Variants in CDKL5 observed in about 807,000 individuals in gnomAD.
The protein encoded by CDKL5 is cyclin dependent kinase like 5, also known as cyclin-dependent kinase-like 5.
CDKL5 carries 8 observed loss-of-function variants against 61.7 expected under a neutral mutation model. The ratio of observed to expected loss-of-function variants is 0.13; its 90% confidence interval spans 0.08 to 0.23. The LOEUF (loss-of-function observed/expected upper bound fraction) is 0.23, where lower values mean the gene tolerates loss of function less well. Ranked by LOEUF, CDKL5 falls within the 10% of genes least tolerant of loss-of-function variation. The pLI is 1.00. For synonymous variants in CDKL5, 275 were observed against 272.3 expected, an observed-to-expected ratio of 1.01 and a Z score of -0.10; for missense variants, 440 against 734.5, an observed-to-expected ratio of 0.60 and a Z score of 4.63.
At chrX:18,503,277 G>A (rs768966432) in intron 1 of CDKL5, among the ~76,000 whole-genome samples, 23 of 112,062 alleles carry the variant, frequency 2.1e-4, no homozygotes, top group Non-Finnish European at 3.4e-4. Flanking sequence ...TCCGCTTCCC[G>A]GGCTCAAACC....
chrX:18,430,700 C>G (rs1931463641), intron 1 of CDKL5, among the ~76,000 whole-genome samples: 1 of 110,656 alleles, frequency 9.0e-6, no homozygotes, highest in Non-Finnish European at 1.9e-5. Context: ...CCGCTTCAGC[C>G]TCCCAAAGTG....
In CDKL5 at chrX:18,518,385, C is replaced by CTTTTTTTTTTTTTTTTTTT. The variant is rs1195931109; in HGVS notation, c.99+7533_99+7534insTTTTTTTTTTTTTTTTTTT. ...ATAAAGTCATGTTTTCTTTTCTTTTCTTATTTTTTTTTTTTTTTTTTTTTT... is the reference window on the plus strand; with the variant it reads ...ATAAAGTCATGTTTTCTTTTCTTTTCTTTTTTTTTTTTTTTTTTTTTATTTTTTTTTTTTTTTTTTTTTT... On this transcript the variant is annotated intron_variant, in intron 3 of 17. Transcript: ENST00000623535. Among the ~76,000 whole-genome samples, 27 of 22,791 alleles carry CTTTTTTTTTTTTTTTTTTT rather than the reference C, an allele frequency of 1.2e-3. 3 individuals are homozygous for CTTTTTTTTTTTTTTTTTTT. Among genetic ancestry groups the CTTTTTTTTTTTTTTTTTTT allele is most frequent in the African/African-American group, 3.7e-3 (24 of 6,574 alleles). 19.8% of individuals were successfully genotyped at this position (22,791 alleles called of 115,157 possible). A position where few individuals can be genotyped will look rare whatever the true frequency, so the allele number is the denominator to read the frequency against.
chrX:18,639,208 T>C lies in CDKL5; in HGVS notation c.*10451T>C, dbSNP rs1191406162. Among the ~76,000 whole-genome samples, 1 of 112,224 alleles carries C rather than the reference T, an allele frequency of 8.9e-6. No individual in the cohort carries two copies. Among genetic ancestry groups the C allele is most frequent in the Non-Finnish European group, 1.9e-5 (1 of 53,313 alleles). On this transcript the variant is annotated 3_prime_UTR_variant, in exon 18 of 18. Transcript: ENST00000623535. The stretch of plus-strand genomic sequence containing the variant: ...TGGACTTCATCAAATATTTAAAATT[T>C]TGTGCTTAAGAGGACTCTATCGAGA...
chrX:18,636,412 A>T lies in CDKL5; in HGVS notation c.*7655A>T, dbSNP rs1007193381. ...ACAACAACCCAGCGAAACAGGTACTATTATTATCCCCTTTTTGTAAATGAG... is the reference window on the plus strand; with the variant it reads ...ACAACAACCCAGCGAAACAGGTACTTTTATTATCCCCTTTTTGTAAATGAG... On this transcript the variant is annotated 3_prime_UTR_variant, in exon 18 of 18. Transcript: ENST00000623535. 3.7e-5 allele frequency: 4 copies of T among 108,236 alleles called. No homozygotes were observed. The highest frequency in any genetic ancestry group is 1.3e-4 in the African/African-American group (4 of 29,859). The allele number at this position is 108,236 out of a possible 1,213,427, so 8.9% of individuals were successfully genotyped here. A position where few individuals can be genotyped will look rare whatever the true frequency, so the allele number is the denominator to read the frequency against.
chrX:18,615,528 C>T (rs1028586911), intron 15 of CDKL5, among the ~76,000 whole-genome samples: 9 of 111,759 alleles, frequency 8.1e-5, no homozygotes, highest in African/African-American at 2.9e-4. Flanking sequence ...AGCTATCCTC[C>T]TACCTCAGCC....
chrX:18,462,163 T>C lies in CDKL5; in HGVS notation c.-163+36468T>C, dbSNP rs190233490. ...GTGTGGCCCAAGACAATTCTTCCAA[T>C]GTGGCCCAGGGAAGCCAAAAGATTC... On this transcript the variant is annotated intron_variant, in intron 1 of 17. Coordinates refer to ENST00000623535, the MANE Select transcript of CDKL5 (RefSeq NM_001323289.2). Among the ~76,000 whole-genome samples the C allele has an allele frequency of 2.0e-3, 217 of 108,996 alleles. 1 individual carries two copies. The highest frequency in any genetic ancestry group is 7.0e-3 in the African/African-American group (210 of 29,927). The allele number at this position is 108,996 out of a possible 115,157, so 94.6% of individuals were successfully genotyped here.
intron 1 of CDKL5, among the ~76,000 whole-genome samples, chrX:18,433,909 C>T (rs895296377): frequency 8.9e-6 from 1 of 112,331 alleles, no homozygotes; most frequent in African/African-American, 3.2e-5. Context: ...CTCTAATCCC[C>T]CTTGACAGAT....
chrX:18,565,811 T>A (rs1033222917), intron 4 of CDKL5, among the ~76,000 whole-genome samples: 13 of 111,819 alleles, frequency 1.2e-4, no homozygotes, highest in Admixed American at 1.0e-3. Context: ...AAGTGGAAGG[T>A]AAAAAAGAAC....
At chrX:18,595,064 C>A (rs2147153278) in intron 9 of CDKL5, among the ~76,000 whole-genome samples, 1 of 111,708 alleles carries the variant, frequency 9.0e-6, no homozygotes, top group African/African-American at 3.3e-5. Context: ...TGCCTGTAAT[C>A]CCAGCTACTC....
intron 1 of CDKL5, among the ~76,000 whole-genome samples, chrX:18,506,415 A>G (rs1602230211): frequency 9.0e-6 from 1 of 111,437 alleles, no homozygotes; most frequent in African/African-American, 3.3e-5. Flanking sequence ...CTATACTCCT[A>G]TATATTAAAA....
At position 18,604,257 on chromosome X, in the gene CDKL5, C is replaced by T; in HGVS notation, c.1333C>T (p.His445Tyr). ...AAACAGCAGATCTCAGCAGAACCGCCACTCATTCATGGAAAGCTCTCAAAG... is the reference window on the plus strand; with the variant it reads ...AAACAGCAGATCTCAGCAGAACCGCTACTCATTCATGGAAAGCTCTCAAAG... The part of the protein sequence containing the change: ...KSNSRSQQNR[H>Y]SFMESSQSKA... Residue 445 changes from histidine to tyrosine, a missense_variant, in exon 12 of 18, where the codon CAC becomes TAC. Around this residue, in one of 2 missense-constraint regions of CDKL5, gnomAD observed 363 missense variants for 516.3 expected, o/e 0.70. Coordinates refer to ENST00000623535, the MANE Select transcript of CDKL5 (RefSeq NM_001323289.2). 1 of 1,212,056 alleles carries T rather than the reference C, an allele frequency of 8.3e-7. No individual in the cohort carries two copies. The highest frequency in any genetic ancestry group is 1.1e-6 in the Non-Finnish European group (1 of 895,576).
intron 9 of CDKL5, among the ~76,000 whole-genome samples, chrX:18,592,012 A>C (rs1213968802): frequency 8.9e-6 from 1 of 112,229 alleles, no homozygotes; most frequent in African/African-American, 3.2e-5. Context: ...TGCTAGGCTG[A>C]ATAGTGTTGA....
intron 20 of CDKL5, among the ~76,000 whole-genome samples, chrX:18,647,892 T>TG (rs760592635): frequency 3.1e-5 from 3 of 96,080 alleles, no homozygotes; most frequent in Admixed American, 2.1e-4. Context: ...ACCAGTCTAA[T>TG]GAAAAAAAAA....
intron 9 of CDKL5, chrX:18,589,756 G>T (rs1925767526): frequency 8.9e-6 from 1 of 112,413 alleles, no homozygotes; most frequent in Non-Finnish European, 1.9e-5. Flanking sequence ...CCCACCAACA[G>T]TGTAAAAGTG....
intron 9 of CDKL5, 24 bp from the exon 10 acceptor site, chrX:18,595,324 A>G (rs1022932628): frequency 9.3e-7 from 1 of 1,079,599 alleles, no homozygotes; most frequent in Admixed American, 2.2e-5. Context: ...AAATGTTAAC[A>G]TTCCCTTTGT....
intron 1 of CDKL5, among the ~76,000 whole-genome samples, chrX:18,454,392 A>G (rs1057228592): frequency 1.3e-4 from 14 of 108,646 alleles, no homozygotes; most frequent in Admixed American, 5.0e-4. Context: ...GCCTGCCACC[A>G]TGCCTGGCTA....
At chrX:18,619,812 C>A in intron 15 of CDKL5, 55 bp from the exon 16 acceptor site, 1 of 815,122 alleles carries the variant, frequency 1.2e-6, no homozygotes, top group Non-Finnish European at 1.8e-6. Context: ...ATTTGTCACA[C>A]AATGGCAAGA....
downstream of CDKL5, chrX:18,644,670 G>T (rs897002454): frequency 1.7e-6 from 2 of 1,178,204 alleles, no homozygotes; most frequent in Non-Finnish European, 2.3e-6. Context: ...CCCTGTGCAT[G>T]TCTGCAAAAA....
Position 18,650,476 on chromosome X carries a change from A to G in CDKL5, c.2864A>G (p.His955Arg), listed in dbSNP as rs953726340. ...CCGTGCGTCCCAAACCGAGCCCTTC[A>G]TCGTCCAATCTCCAGTCCTGCTCCC... Residue 955 changes from histidine to arginine, a missense_variant, in exon 21 of 22, where the codon CAT (histidine) becomes CGT (arginine). His to Arg is a conservative substitution (Grantham distance 29). Coordinates refer to the CDKL5 transcript ENST00000379989. The G allele has an allele frequency of 1.7e-6, 2 of 1,210,164 alleles. No individual in the cohort carries two copies. Among genetic ancestry groups the G allele is most frequent in the South Asian group, 1.8e-5 (1 of 56,859 alleles).
Sources: gnomAD v4.1 joint callset for allele counts (sites outside exome capture counted in the v4.1 genomes callset) on GRCh38, gnomAD v4.1.1 for gene constraint, gnomAD v4.1.1 regional missense constraint, MANE v1.5 for transcripts, NCBI Gene and HGNC (gene_info 2026-07-23, HGNC 2026-07-21) for gene names.